The following NRXN3 variants were observed in gnomAD, a reference collection of about 807,000 sequenced individuals.
The protein encoded by NRXN3 is neurexin 3, also known as neurexin III.
In NRXN3, 32 loss-of-function variants were observed where a neutral mutation model predicts 137.6. That is an observed-to-expected ratio of 0.23 (90% CI 0.18 to 0.31). The LOEUF (loss-of-function observed/expected upper bound fraction) is 0.31. NRXN3 is among the 10% of genes least tolerant of loss of function. The pLI is 1.00. For missense variants in NRXN3, 1,574 were observed against 2,062.5 expected (o/e 0.76, Z 4.59); for synonymous variants, 798 against 784.5 (o/e 1.02, Z -0.29).
At chr14:78,548,103 T>A (rs1406473398) in intron 4 of NRXN3, among the ~76,000 whole-genome samples, 2 of 152,164 alleles carry the variant, frequency 1.3e-5, no homozygotes, top group East Asian at 3.9e-4. Flanking sequence ...TGCTATAGCC[T>A]CCAAGGCCAT....
intron 1 of NRXN3, among the ~76,000 whole-genome samples, chr14:78,219,717 C>T (rs550043991): frequency 1.3e-5 from 2 of 152,316 alleles, no homozygotes; most frequent in Admixed American, 1.3e-4. Flanking sequence ...AGCTTGGACT[C>T]TTTCCTATTG....
At chr14:78,804,998 T>A (rs897190853) in intron 9 of NRXN3, among the ~76,000 whole-genome samples, 1 of 152,118 alleles carries the variant, frequency 6.6e-6, no homozygotes, top group Non-Finnish European at 1.5e-5. Flanking sequence ...AGATGCAAGA[T>A]CATATGTAGG....
In NRXN3 at chr14:78,450,971, C is replaced by T. The variant is rs1010152782; in HGVS notation, c.757+153111C>T. 1.1e-4 allele frequency among the ~76,000 whole-genome samples: 16 copies of T among 150,888 alleles called. 2 individuals are homozygous for T. Among genetic ancestry groups the T allele is most frequent in the African/African-American group, 2.0e-4 (8 of 40,302 alleles). On this transcript the variant is annotated intron_variant, in intron 4 of 20. Transcript: ENST00000335750. ...TGTGCATGGTCTTGGGGCCTTTGCT[C>T]ACCTTGCTACCACTTCTTCTACCTT...
chr14:79,746,776 G>T (rs1267249159), intron 19 of NRXN3, among the ~76,000 whole-genome samples: 1 of 151,844 alleles, frequency 6.6e-6, no homozygotes, highest in East Asian at 1.9e-4. Flanking sequence ...TTACTTTGTG[G>T]TCATTTGTTT....
rs34580008 is a variant in NRXN3 at position 79,308,844 on chromosome 14, C to CTTTT, written c.3263-158362_3263-158359dup. ...TTCCTCATCAGCACAGGGAAGCATTCTTTTTTTTTTTTTTTTTTGTGAGTA... is the reference window on the plus strand; with the variant it reads ...TTCCTCATCAGCACAGGGAAGCATTCTTTTTTTTTTTTTTTTTTTTTTGTGAGTA... On this transcript the variant is annotated intron_variant, in intron 15 of 20. Transcript: ENST00000335750. 8.2e-4 allele frequency among the ~76,000 whole-genome samples: 73 copies of CTTTT among 89,348 alleles called. 1 individual carries two copies. The highest frequency in any genetic ancestry group is 2.5e-3 in the African/African-American group (62 of 24,604). The allele number at this position is 89,348 out of a possible 152,430, so 58.6% of individuals were successfully genotyped here.
intron 15 of NRXN3, among the ~76,000 whole-genome samples, chr14:79,336,960 T>A (rs1382428350): frequency 6.6e-6 from 1 of 152,218 alleles, no homozygotes; most frequent in Non-Finnish European, 1.5e-5. Context: ...TATGTTTCTT[T>A]CTTATGACCT....
intron 10 of NRXN3, among the ~76,000 whole-genome samples, chr14:78,930,199 A>G (rs2099317732): frequency 6.6e-6 from 1 of 152,180 alleles, no homozygotes; most frequent in South Asian, 2.1e-4. Context: ...GATGTTAAGA[A>G]TGAACTAAGT....
At chr14:79,432,939 A>G (rs371701926) in intron 15 of NRXN3, among the ~76,000 whole-genome samples, 1 of 152,146 alleles carries the variant, frequency 6.6e-6, no homozygotes, top group Admixed American at 6.5e-5. Context: ...CTGTCAGAAG[A>G]TGTGTGTCTT....
intron 16 of NRXN3, among the ~76,000 whole-genome samples, chr14:79,518,780 T>C (rs775376196): frequency 2.0e-5 from 3 of 152,168 alleles, no homozygotes; most frequent in Admixed American, 6.5e-5. Context: ...TTACTGACTT[T>C]AGTAAGAGTG....
intron 4 of NRXN3, among the ~76,000 whole-genome samples, chr14:78,353,248 T>C (rs1388931442): frequency 1.3e-5 from 2 of 152,144 alleles, no homozygotes; most frequent in Non-Finnish European, 2.9e-5. Context: ...ACTGCAGTGC[T>C]CTCTTTGACT....
chr14:79,806,175 A>AT (rs1311629139), intron 20 of NRXN3, among the ~76,000 whole-genome samples: 2 of 152,162 alleles, frequency 1.3e-5, no homozygotes, highest in African/African-American at 2.4e-5. Context: ...TTTTCTAGTT[A>AT]TTTTTTGCAT....
chr14:79,282,213 G>C (rs1019502488), intron 15 of NRXN3, among the ~76,000 whole-genome samples: 27 of 152,024 alleles, frequency 1.8e-4, no homozygotes, highest in African/African-American at 6.0e-4. Flanking sequence ...AGAGGGACTG[G>C]GGGGAGCGGG....
chr14:79,066,087 G>A (rs2099680379), intron 15 of NRXN3, among the ~76,000 whole-genome samples: 1 of 152,096 alleles, frequency 6.6e-6, no homozygotes, highest in African/African-American at 2.4e-5. Flanking sequence ...TTCCTGAATG[G>A]TATTGCCTAG....
intron 15 of NRXN3, among the ~76,000 whole-genome samples, chr14:79,224,373 T>G (rs1276954830): frequency 6.6e-6 from 1 of 152,172 alleles, no homozygotes; most frequent in Non-Finnish European, 1.5e-5. Context: ...TGTGAATCAC[T>G]TGAGGATATA....
At chr14:78,860,849 A>G (rs543105667) in intron 10 of NRXN3, among the ~76,000 whole-genome samples, 1 of 152,122 alleles carries the variant, frequency 6.6e-6, no homozygotes, top group South Asian at 2.1e-4. Context: ...GCAGAGGTGG[A>G]AGATATGGAG....
chr14:79,806,831 A>G (rs2099207596), intron 20 of NRXN3, among the ~76,000 whole-genome samples: 1 of 149,680 alleles, frequency 6.7e-6, no homozygotes, highest in South Asian at 2.1e-4. Context: ...TATGTTAAGC[A>G]TGTGCTAGAT....
At chr14:79,447,953 T>C (rs2096091942) in intron 15 of NRXN3, among the ~76,000 whole-genome samples, 1 of 152,196 alleles carries the variant, frequency 6.6e-6, no homozygotes, top group Admixed American at 6.5e-5. Context: ...AGTTTTAATG[T>C]CCTGTTTAAA....
chr14:78,598,445 G>A (rs1270294414), intron 4 of NRXN3, among the ~76,000 whole-genome samples: 1 of 151,976 alleles, frequency 6.6e-6, no homozygotes, highest in Non-Finnish European at 1.5e-5. Flanking sequence ...AACACAGAGG[G>A]CCTGTTTCGT....
intron 15 of NRXN3, among the ~76,000 whole-genome samples, chr14:79,188,832 A>G (rs947178250): frequency 6.6e-6 from 1 of 152,184 alleles, no homozygotes; most frequent in African/African-American, 2.4e-5. Flanking sequence ...CAAAACCACA[A>G]TGAGATACCA....
Sources: allele counts gnomAD v4.1 joint callset (sites outside exome capture counted in the v4.1 genomes callset), GRCh38; gene constraint gnomAD v4.1.1; transcripts MANE v1.5; gene names NCBI Gene and HGNC (gene_info 2026-07-23, HGNC 2026-07-21).